The following UBE2E2 variants were observed in gnomAD, a reference collection of about 807,000 sequenced individuals.
UBE2E2 encodes the protein ubiquitin-conjugating enzyme E2 E2.
UBE2E2 carries 6 observed loss-of-function variants against 24.7 expected under a neutral mutation model. The ratio of observed to expected loss-of-function variants is 0.24; its 90% CI spans 0.13 to 0.48. The LOEUF is 0.48. UBE2E2 is among the 20% of genes least tolerant of loss of function. The pLI is 0.99. For synonymous variants in UBE2E2, 104 were observed against 83.6 expected (o/e 1.24, Z -1.33); for missense variants, 169 against 245.0 (o/e 0.69, Z 2.07).
chr3:23,390,421 C>T (rs1696908253), intron 3 of UBE2E2, among the ~76,000 whole-genome samples: 1 of 152,172 alleles, frequency 6.6e-6, no homozygotes, highest in East Asian at 1.9e-4. Context: ...GGAAGGATCA[C>T]CTTCTTCCTG....
At chr3:23,553,467 A>C (rs778824409) in intron 5 of UBE2E2, among the ~76,000 whole-genome samples, 1 of 152,146 alleles carries the variant, frequency 6.6e-6, no homozygotes, top group Admixed American at 6.6e-5. Context: ...GGTCGATGAT[A>C]TTTAACCTAC....
intron 3 of UBE2E2, among the ~76,000 whole-genome samples, chr3:23,379,616 T>C (rs1312818501): frequency 6.6e-6 from 1 of 151,780 alleles, no homozygotes; most frequent in East Asian, 1.9e-4. Flanking sequence ...GGTGTATATG[T>C]GCCACATTTT....
intron 3 of UBE2E2, among the ~76,000 whole-genome samples, chr3:23,439,403 C>CCCT (rs1197081169): frequency 6.6e-6 from 1 of 152,134 alleles, no homozygotes; most frequent in Non-Finnish European, 1.5e-5. Flanking sequence ...TCAGAGGCAC[C>CCCT]CCTCCTCCTC....
chr3:23,219,253 A>T (rs1413382462), intron 3 of UBE2E2, among the ~76,000 whole-genome samples: 2 of 152,156 alleles, frequency 1.3e-5, no homozygotes, highest in African/African-American at 4.8e-5. Context: ...CCCTTTGGCA[A>T]GCAAAGGGTC....
At chr3:23,238,361 A>G (rs906803612) in intron 3 of UBE2E2, among the ~76,000 whole-genome samples, 1 of 152,208 alleles carries the variant, frequency 6.6e-6, no homozygotes, top group African/African-American at 2.4e-5. Flanking sequence ...TTGTAGGATC[A>G]TACATGATCA....
intron 3 of UBE2E2, chr3:23,449,780 A>G (rs762530231): frequency 1.4e-5 from 10 of 716,638 alleles, no homozygotes; most frequent in African/African-American, 3.9e-5. Flanking sequence ...ATAATCCAGT[A>G]AGCAGTGTTT....
rs1054217131 is a variant in UBE2E2, at chr3:23,299,835, T to C, written c.227+82523T>C. Among the ~76,000 whole-genome samples, 937 of 152,256 alleles carry C rather than the reference T, an allele frequency of 6.2e-3. 13 individuals carry two copies. Among genetic ancestry groups the C allele is most frequent in the African/African-American group, 0.021 (869 of 41,528 alleles). ...CAGAGCTGAGTTCAATTCCTGGGTA[T>C]CCTTGTTAACTTTCTGTCTCGTTGA... On this transcript the variant is annotated intron_variant, in intron 3 of 5. Transcript: ENST00000396703.
intron 4 of UBE2E2, among the ~76,000 whole-genome samples, chr3:23,510,559 A>G (rs1484967889): frequency 1.7e-4 from 26 of 152,122 alleles, no homozygotes; most frequent in Non-Finnish European, 2.9e-5. Flanking sequence ...GTAAATTGAA[A>G]TCATGCCACT....
In UBE2E2 at chr3:23,407,647, A is replaced by ATGTGTGTGTGTGTGTGTG. The variant is rs71974866; in HGVS notation, c.228-91935_228-91918dup. On this transcript the variant is annotated intron_variant, in intron 3 of 5. Transcript: ENST00000396703. This position sits in a 1 kb window ranked among gnomAD's most constrained non-coding sequence, Gnocchi z 4.0. ...TGTGTGTTTGTGTGTGCATGCGTGC[A>ATGTGTGTGTGTGTGTGTG]TGTGTGTGTGTGTGTGTGTGTGTGT... 7.2e-6 allele frequency among the ~76,000 whole-genome samples: 1 copy of ATGTGTGTGTGTGTGTGTG among 138,028 alleles called. No homozygotes were observed. Among genetic ancestry groups the ATGTGTGTGTGTGTGTGTG allele is most frequent in the Non-Finnish European group, 1.6e-5 (1 of 63,374 alleles). 90.6% of individuals were successfully genotyped at this position (138,028 alleles called of 152,430 possible).
At position 23,323,096 on chromosome 3, in the gene UBE2E2, TAAAC is replaced by T. The variant is rs543410412; in HGVS notation, c.227+105788_227+105791del. 1.3e-4 allele frequency among the ~76,000 whole-genome samples: 20 copies of T among 152,200 alleles called. No homozygotes were observed. In the East Asian group the frequency reaches 3.3e-3, roughly 25 times the overall value. On this transcript the variant is annotated intron_variant, in intron 3 of 5. Transcript: ENST00000396703. ...AGGAATTATCTAGATTTATTAGGCTTAAACAAATAATTATTTGCTTTGTTTTGTG... is the reference window on the plus strand; with the variant it reads ...AGGAATTATCTAGATTTATTAGGCTTAAATAATTATTTGCTTTGTTTTGTG...
chr3:23,445,319 C>T (rs963645084), intron 3 of UBE2E2, among the ~76,000 whole-genome samples: 1 of 152,172 alleles, frequency 6.6e-6, no homozygotes, highest in Non-Finnish European at 1.5e-5. Context: ...TTGTGAGACA[C>T]ACAAATGCCC....
intron 3 of UBE2E2, among the ~76,000 whole-genome samples, chr3:23,320,210 T>G (rs1694705750): frequency 6.6e-6 from 1 of 152,212 alleles, no homozygotes; most frequent in South Asian, 2.1e-4. Context: ...TCAACAGTGT[T>G]TCACTTTATT....
intron 3 of UBE2E2, among the ~76,000 whole-genome samples, chr3:23,354,851 C>A (rs1057402355): frequency 1.6e-4 from 25 of 152,176 alleles, no homozygotes; most frequent in African/African-American, 5.3e-4. Flanking sequence ...ACTAGACATA[C>A]CATTTGACCC....
At chr3:23,393,303 A>G (rs1246971487) in intron 3 of UBE2E2, among the ~76,000 whole-genome samples, 1 of 152,226 alleles carries the variant, frequency 6.6e-6, no homozygotes, top group Non-Finnish European at 1.5e-5. Context: ...TATCAGATAG[A>G]TGACAAATAG....
In UBE2E2 at chr3:23,590,102, G is replaced by A. The variant is rs1041133207; in HGVS notation, c.*271G>A. The A allele has an allele frequency of 1.4e-5, 5 of 357,960 alleles. No individual in the cohort carries two copies. The highest frequency in any genetic ancestry group is 2.1e-5 in the African/African-American group (1 of 48,402). 22.2% of individuals were successfully genotyped at this position (357,960 alleles called of 1,614,324 possible). A position where few individuals can be genotyped will look rare whatever the true frequency, so the allele number is the denominator to read the frequency against. On this transcript the variant is annotated 3_prime_UTR_variant, in exon 6 of 6. Coordinates refer to ENST00000396703, the MANE Select transcript of UBE2E2 (RefSeq NM_152653.4). ...GATTTTTTCCCACCTCATCATAGATGGGAACTTTTGTTTTCAGTGCAAACA... is the reference window on the plus strand; with the variant it reads ...GATTTTTTCCCACCTCATCATAGATAGGAACTTTTGTTTTCAGTGCAAACA...
At chr3:23,269,139 A>G (rs1485075136) in intron 3 of UBE2E2, among the ~76,000 whole-genome samples, 1 of 152,182 alleles carries the variant, frequency 6.6e-6, no homozygotes, top group Non-Finnish European at 1.5e-5. Flanking sequence ...GGACATAGGC[A>G]TGGGCAAGGA....
chr3:23,316,530 G>A (rs1186877127), intron 3 of UBE2E2, among the ~76,000 whole-genome samples: 1 of 151,942 alleles, frequency 6.6e-6, no homozygotes, highest in Admixed American at 6.6e-5. Flanking sequence ...CTCTGCCCCA[G>A]GACAGGGCCA....
chr3:23,266,293 C>T (rs1391358525), intron 3 of UBE2E2, among the ~76,000 whole-genome samples: 2 of 152,280 alleles, frequency 1.3e-5, no homozygotes, highest in South Asian at 4.1e-4. Context: ...GCCAGTTGTT[C>T]CTTTCCATGT....
chr3:23,367,907 G>T (rs1298216890), intron 3 of UBE2E2, among the ~76,000 whole-genome samples: 1 of 152,144 alleles, frequency 6.6e-6, no homozygotes, highest in Non-Finnish European at 1.5e-5. Context: ...TGCTTGTTGT[G>T]TGGGGAAAAC....
Sources: allele counts gnomAD v4.1 joint callset (sites outside exome capture counted in the v4.1 genomes callset), GRCh38; gene constraint gnomAD v4.1.1; non-coding constraint Gnocchi (gnomAD v3.1); transcripts MANE v1.5; gene names NCBI Gene and HGNC (gene_info 2026-07-23, HGNC 2026-07-21).